SLAIN2: variants seen among roughly 807,000 people sequenced by gnomAD.
The protein encoded by SLAIN2 is SLAIN motif-containing protein 2.
Under a neutral mutation model 56.6 loss-of-function variants are expected in SLAIN2, and 31 were observed. That is an observed-to-expected ratio of 0.55 (90% confidence interval 0.41 to 0.74). SLAIN2 has a LOEUF of 0.74. Ranked by LOEUF, SLAIN2 falls within the 30% of genes least tolerant of loss-of-function variation. The pLI, the probability that SLAIN2 is intolerant of heterozygous loss-of-function variation, is 0.00. For missense variants in SLAIN2, 777 were observed against 754.2 expected (o/e 1.03, Z -0.35); for synonymous variants, 317 against 284.9 (o/e 1.11, Z -1.13).
At chr4:48,412,584 A>G (rs1272629898) in intron 6 of SLAIN2, among the ~76,000 whole-genome samples, 1 of 152,220 alleles carries the variant, frequency 6.6e-6, no homozygotes, top group Admixed American at 6.5e-5. Flanking sequence ...TTTTCTATTT[A>G]GAGTAAATTG....
At chr4:48,366,469 G>GTC (rs1239978478) in intron 1 of SLAIN2, among the ~76,000 whole-genome samples, 2 of 152,094 alleles carry the variant, frequency 1.3e-5, no homozygotes, top group African/African-American at 2.4e-5. Flanking sequence ...CTGTTGTTAG[G>GTC]TATGTTTAAA....
chr4:48,350,747 A>G (rs559832952), intron 1 of SLAIN2, among the ~76,000 whole-genome samples: 35 of 152,306 alleles, frequency 2.3e-4, no homozygotes, highest in Non-Finnish European at 2.6e-4. Context: ...GAAGGCTTTA[A>G]ACTAGGTCTT....
At chr4:48,404,169 C>G (rs1716632352) in intron 6 of SLAIN2, among the ~76,000 whole-genome samples, 1 of 152,202 alleles carries the variant, frequency 6.6e-6, no homozygotes, top group African/African-American at 2.4e-5. Flanking sequence ...TTTCTTTCCT[C>G]TTTTCATTCC....
chr4:48,373,027 T>G (rs1373760055), intron 2 of SLAIN2, among the ~76,000 whole-genome samples: 1 of 152,322 alleles, frequency 6.6e-6, no homozygotes, highest in Non-Finnish European at 1.5e-5. Flanking sequence ...TTTTCTTCAC[T>G]TGTTTTTTTT....
intron 1 of SLAIN2, among the ~76,000 whole-genome samples, chr4:48,342,620 C>T (rs946084090): frequency 3.5e-5 from 5 of 141,504 alleles, no homozygotes; most frequent in African/African-American, 1.0e-4. Flanking sequence ...CCATTTCTGG[C>T]GGGGATGGGG....
chr4:48,398,268 T>C (rs1393360168), intron 6 of SLAIN2, among the ~76,000 whole-genome samples: 3 of 152,200 alleles, frequency 2.0e-5, no homozygotes, highest in Admixed American at 2.0e-4. Context: ...CTTTTTTTCA[T>C]GTTTGTTGGC....
chr4:48,374,271 C>G (rs1282188930), intron 2 of SLAIN2, among the ~76,000 whole-genome samples: 1 of 151,996 alleles, frequency 6.6e-6, no homozygotes, highest in Non-Finnish European at 1.5e-5. Context: ...GAGTCTTGCT[C>G]TGTTGCCCAG....
chr4:48,354,884 A>ATTTTC (rs149550474), intron 1 of SLAIN2, among the ~76,000 whole-genome samples: 2 of 151,052 alleles, frequency 1.3e-5, no homozygotes, highest in African/African-American at 4.9e-5. Flanking sequence ...AAAATGTAAA[A>ATTTTC]TTTTCTTTTC....
At chr4:48,346,077 C>T (rs1412724441) in intron 1 of SLAIN2, among the ~76,000 whole-genome samples, 1 of 152,212 alleles carries the variant, frequency 6.6e-6, no homozygotes, top group Non-Finnish European at 1.5e-5. Context: ...TTACTATCAC[C>T]AACCTATTAA....
chr4:48,394,659 T>C, intron 6 of SLAIN2: 3 of 1,534,716 alleles, frequency 2.0e-6, no homozygotes, highest in Non-Finnish European at 2.6e-6. Flanking sequence ...AAGAGGTAAC[T>C]ACAGCCTCTT....
At chr4:48,420,598 TG>T in intron 7 of SLAIN2, 155 bp downstream of exon 7, 1 of 878,044 alleles carries the variant, frequency 1.1e-6, no homozygotes. Context: ...TTTACTACAT[TG>T]TTTTTAAGAA....
chr4:48,383,168 C>CA (rs34436951), intron 5 of SLAIN2, among the ~76,000 whole-genome samples: 1,032 of 95,088 alleles, frequency 0.011, 10 homozygotes, highest in African/African-American at 0.016. Flanking sequence ...ATCCTGTTTT[C>CA]AAAAAAAAAA....
rs775150926 is a variant in SLAIN2 at position 48,383,847 on chromosome 4, T to C, written c.1360+63T>C. On this transcript the variant is annotated intron_variant, in intron 6 of 7. Transcript: ENST00000264313. Reference sequence around the variant, plus strand: ...TAAAGAGAAGTGAAAATTTTAGATATTTGTTTTATGCTGAAAAACCGTTTT... The same window carrying C: ...TAAAGAGAAGTGAAAATTTTAGATACTTGTTTTATGCTGAAAAACCGTTTT... The C allele has an allele frequency of 2.0e-5, 31 of 1,522,514 alleles. 1 individual carries two copies. In the Admixed American group the frequency reaches 2.3e-4, roughly 12 times the overall value. The allele number at this position is 1,522,514 out of a possible 1,614,324, so 94.3% of individuals were successfully genotyped here. A position where few individuals can be genotyped will look rare whatever the true frequency, so the allele number is the denominator to read the frequency against.
At chr4:48,419,107 T>C (rs1296687650) in intron 6 of SLAIN2, among the ~76,000 whole-genome samples, 2 of 113,638 alleles carry the variant, frequency 1.8e-5, no homozygotes, top group East Asian at 4.9e-4. Flanking sequence ...TTTTCTGTTT[T>C]CCTTTTTTTT....
chr4:48,420,759 T>G (rs1385513856), intron 7 of SLAIN2, among the ~76,000 whole-genome samples: 2 of 152,204 alleles, frequency 1.3e-5, no homozygotes, highest in African/African-American at 2.4e-5. Context: ...TATAATTATA[T>G]TCAATAAAGA....
At chr4:48,407,792 A>C (rs1716739206) in intron 6 of SLAIN2, among the ~76,000 whole-genome samples, 1 of 152,024 alleles carries the variant, frequency 6.6e-6, no homozygotes, top group Non-Finnish European at 1.5e-5. Flanking sequence ...CCACTATCTT[A>C]TTTTAGAAGA....
intron 1 of SLAIN2, among the ~76,000 whole-genome samples, chr4:48,363,657 C>T (rs1185892354): frequency 9.0e-5 from 9 of 100,528 alleles, no homozygotes; most frequent in East Asian, 3.4e-4. Flanking sequence ...GGCGGCTGGC[C>T]GGGCAGAGGG....
rs865804207 is a variant in SLAIN2, at chr4:48,379,687, A to G, written c.704-3A>G. Reference sequence around the variant, plus strand: ...TGAATTTTTTTCTTTTTTTTTTTTTAAGGTAACTTGAAAAGCTCAGACAGA... The same window carrying G: ...TGAATTTTTTTCTTTTTTTTTTTTTGAGGTAACTTGAAAAGCTCAGACAGA... On this transcript the variant is annotated splice_region_variant and splice_polypyrimidine_tract_variant and intron_variant, in intron 3 of 7. Coordinates refer to ENST00000264313, the MANE Select transcript of SLAIN2 (RefSeq NM_020846.2). 7.1e-7 allele frequency: 1 copy of G among 1,400,456 alleles called. No homozygotes were observed. Among genetic ancestry groups the G allele is most frequent in the Non-Finnish European group, 9.3e-7 (1 of 1,071,288 alleles). 86.8% of individuals were successfully genotyped at this position (1,400,456 alleles called of 1,614,324 possible).
chr4:48,352,680 G>A (rs530321587), intron 1 of SLAIN2, among the ~76,000 whole-genome samples: 1 of 152,288 alleles, frequency 6.6e-6, no homozygotes, highest in African/African-American at 2.4e-5. Context: ...TGCCTTAAAG[G>A]ATACTTATGG....
Sources: gnomAD v4.1 joint callset for allele counts (sites outside exome capture counted in the v4.1 genomes callset) on GRCh38, gnomAD v4.1.1 for gene constraint, MANE v1.5 for transcripts, NCBI Gene and HGNC (gene_info 2026-07-23, HGNC 2026-07-21) for gene names.